Variants in UACA observed in about 807,000 individuals in gnomAD.
The protein encoded by UACA is uveal autoantigen with coiled-coil domains and ankyrin repeats.
In UACA, 112 loss-of-function variants were observed where a neutral mutation model predicts 160.5. The ratio of observed to expected loss-of-function variants is 0.70; its 90% CI spans 0.60 to 0.82. The LOEUF is 0.82. Ranked by LOEUF, UACA falls within the 40% of genes least tolerant of loss-of-function variation. The probability of loss-of-function intolerance (pLI) is 0.00; values close to 1 mark genes in which losing one functional copy is unlikely to be tolerated. For missense variants in UACA, 1,574 were observed against 1,614.6 expected, an observed-to-expected ratio of 0.97 and a Z score of 0.43; for synonymous variants, 557 against 568.4, an observed-to-expected ratio of 0.98 and a Z score of 0.29.
intron 13 of UACA, 52 bp downstream of exon 13, chr15:70,676,441 G>A: frequency 1.6e-6 from 2 of 1,224,434 alleles, no homozygotes; most frequent in Admixed American, 3.6e-5. Context: ...GATGCCAAGA[G>A]CCTTACCATT....
chr15:70,718,270 G>A (rs998545113), intron 1 of UACA, among the ~76,000 whole-genome samples: 1 of 143,332 alleles, frequency 7.0e-6, no homozygotes, highest in African/African-American at 2.6e-5. Flanking sequence ...GGAGGGGGAG[G>A]AGGGGGAGAG....
chr15:70,658,715 AT>A (rs36095720), intron 18 of UACA, among the ~76,000 whole-genome samples: 35 of 149,806 alleles, frequency 2.3e-4, no homozygotes, highest in African/African-American at 7.6e-4. Flanking sequence ...CAACACACAC[AT>A]TTTTTTTTTC....
At chr15:70,752,237 CA>C (rs35156370) in intron 1 of UACA, among the ~76,000 whole-genome samples, 78,027 of 105,212 alleles carry the variant, frequency 0.74, 29,899 homozygotes, top group East Asian at 0.86. Flanking sequence ...AAAACTCCAT[CA>C]AAAAAAAAAA....
intron 1 of UACA, among the ~76,000 whole-genome samples, chr15:70,717,050 C>T (rs1429880715): frequency 1.3e-5 from 2 of 152,192 alleles, no homozygotes; most frequent in South Asian, 2.1e-4. Flanking sequence ...GGAGAAATCC[C>T]GTCTCTATCA....
rs1013661080 is a variant in UACA, at chr15:70,721,532, CAGG to C, written c.79-21875_79-21873del. Among the ~76,000 whole-genome samples, 96 of 151,638 alleles carry C rather than the reference CAGG, an allele frequency of 6.3e-4. 2 individuals are homozygous for C. Among genetic ancestry groups the C allele is most frequent in the Middle Eastern group, 3.2e-3 (1 of 316 alleles). Reference sequence around the variant, plus strand: ...GTTCCAGCTACTCGGGAGGCTGAGGCAGGAGAATGGCGTGAACCCAGGAGGCAG... The same window carrying C: ...GTTCCAGCTACTCGGGAGGCTGAGGCAGAATGGCGTGAACCCAGGAGGCAG... On this transcript the variant is annotated intron_variant, in intron 1 of 18. Coordinates refer to ENST00000322954, the MANE Select transcript of UACA (RefSeq NM_018003.4).
chr15:70,737,170 G>A (rs987487408), intron 1 of UACA, among the ~76,000 whole-genome samples: 1 of 152,212 alleles, frequency 6.6e-6, no homozygotes, highest in African/African-American at 2.4e-5. Context: ...CATCGGGGCT[G>A]AGTGTTTGAA....
chr15:70,709,753 T>C (rs917871478), intron 1 of UACA, among the ~76,000 whole-genome samples: 1 of 152,214 alleles, frequency 6.6e-6, no homozygotes, highest in Non-Finnish European at 1.5e-5. Flanking sequence ...AATAAGTAAG[T>C]AGACTTTAAC....
intron 13 of UACA, among the ~76,000 whole-genome samples, chr15:70,673,024 A>G (rs1897189133): frequency 6.6e-6 from 1 of 152,218 alleles, no homozygotes. Flanking sequence ...TGAACCTGGG[A>G]GGCGGAGGTT....
At chr15:70,679,437 A>AATAAATAAATAAATAG (rs1383179345) in intron 10 of UACA, among the ~76,000 whole-genome samples, 171 bp downstream of exon 10, 58 of 148,238 alleles carry the variant, frequency 3.9e-4, no homozygotes, top group Middle Eastern at 3.5e-3. Flanking sequence ...TAAATAAATA[A>AATAAATAAATAAATAG]ATAGAAGAGA....
At position 70,763,553 on chromosome 15, in the gene UACA, G is replaced by T. The variant is rs1160737816; in HGVS notation, c.-146C>A. The stretch of plus-strand genomic sequence containing the variant: ...CACCTGCGGGCCCCGGGCAGCAGAC[G>T]TCGACAGGCCTGAGGCGGGGCTCCC... On this transcript the variant is annotated 5_prime_UTR_variant, in exon 1 of 19. Transcript: ENST00000322954. The T allele has an allele frequency of 3.2e-6, 4 of 1,242,498 alleles. No individual in the cohort carries two copies. Among genetic ancestry groups the T allele is most frequent in the East Asian group, 6.3e-5 (2 of 31,618 alleles). 77.0% of individuals were successfully genotyped at this position (1,242,498 alleles called of 1,614,324 possible). A position where few individuals can be genotyped will look rare whatever the true frequency, so the allele number is the denominator to read the frequency against.
chr15:70,672,144 C>T, intron 13 of UACA, 143 bp from the exon 14 acceptor site: 1 of 585,118 alleles, frequency 1.7e-6, no homozygotes, highest in Non-Finnish European at 2.7e-6. Context: ...TCTACTCAAA[C>T]CCACAAAAAG....
chr15:70,745,045 A>G, intron 1 of UACA, among the ~76,000 whole-genome samples: 1 of 152,176 alleles, frequency 6.6e-6, no homozygotes, highest in Non-Finnish European at 1.5e-5. Context: ...TTACTGGGGA[A>G]AAATATGTAT....
chr15:70,749,281 C>T (rs1264327516), intron 1 of UACA: 1 of 393,054 alleles, frequency 2.5e-6, no homozygotes, highest in Admixed American at 2.9e-5. Context: ...AATCCCAGCA[C>T]TTTGGGAGGC....
intron 1 of UACA, 79 bp downstream of exon 1, chr15:70,763,251 G>A: frequency 1.6e-6 from 2 of 1,273,848 alleles, no homozygotes; most frequent in Non-Finnish European, 1.0e-6. Flanking sequence ...AGAGGAAGGC[G>A]GCGCGCGAAC....
At chr15:70,706,369 G>C (rs1378879479) in intron 1 of UACA, among the ~76,000 whole-genome samples, 1 of 152,002 alleles carries the variant, frequency 6.6e-6, no homozygotes. Flanking sequence ...TCAGGCAGAA[G>C]ACAAAGATGC....
In UACA at chr15:70,656,902, A is replaced by G. The variant is rs763484127; in HGVS notation, c.*154T>C. The stretch of plus-strand genomic sequence containing the variant: ...AACTGATATTGAAAAAGACTAACAT[A>G]TTCATCTAATTTTAAAAAAAAACCT... On this transcript the variant is annotated 3_prime_UTR_variant, in exon 19 of 19. Transcript: ENST00000322954. 6.0e-6 allele frequency: 3 copies of G among 499,832 alleles called. No homozygotes were observed. Among genetic ancestry groups the G allele is most frequent in the Non-Finnish European group, 1.1e-5 (3 of 281,706 alleles). 31.0% of individuals were successfully genotyped at this position (499,832 alleles called of 1,614,324 possible).
At chr15:70,660,664 T>C (rs1896674165) in intron 17 of UACA, 1 of 153,616 alleles carries the variant, frequency 6.5e-6, no homozygotes. Flanking sequence ...TCCAAATTCA[T>C]CAGTTTGGTT....
At chr15:70,759,279 T>C (rs1050383657) in intron 1 of UACA, among the ~76,000 whole-genome samples, 21 of 152,208 alleles carry the variant, frequency 1.4e-4, no homozygotes, top group African/African-American at 5.1e-4. Flanking sequence ...GAACACACAA[T>C]TAACCAGATC....
At chr15:70,746,604 A>G (rs1334843217) in intron 1 of UACA, among the ~76,000 whole-genome samples, 1 of 152,168 alleles carries the variant, frequency 6.6e-6, no homozygotes, top group Non-Finnish European at 1.5e-5. Flanking sequence ...AACTAGAAAT[A>G]CCATTTGACC....
Sources: gnomAD v4.1 joint callset for allele counts (sites outside exome capture counted in the v4.1 genomes callset) on GRCh38, gnomAD v4.1.1 for gene constraint, MANE v1.5 for transcripts, NCBI Gene and HGNC (gene_info 2026-07-23, HGNC 2026-07-21) for gene names.